ZMYM1: variants seen among roughly 807,000 people sequenced by gnomAD.
ZMYM1 encodes zinc finger MYM-type containing 1.
Under a neutral mutation model 60.0 loss-of-function variants are expected in ZMYM1, and 39 were observed. That is an observed-to-expected ratio of 0.65 (90% CI 0.50 to 0.85). The LOEUF (loss-of-function observed/expected upper bound fraction) is 0.85. Ranked by LOEUF, ZMYM1 falls within the 40% of genes least tolerant of loss-of-function variation. The pLI is 0.00. For missense variants in ZMYM1, 1,171 were observed against 1,309.5 expected, an observed-to-expected ratio of 0.89 and a Z score of 1.63; for synonymous variants, 413 against 454.0, an observed-to-expected ratio of 0.91 and a Z score of 1.15.
At chr1:35,116,987 G>A (rs1251424699), downstream of ZMYM1, among the ~76,000 whole-genome samples, 1 of 150,312 alleles carries the variant, frequency 6.7e-6, no homozygotes, top group African/African-American at 2.4e-5. Context: ...GGGACTACAG[G>A]CGCCCGCCAC....
At position 35,114,330 on chromosome 1, in the gene ZMYM1, G is replaced by A; in HGVS notation, c.2500G>A (p.Ala834Thr). ...GATTATTGAAACATTGGAAGTTATAGCAAGCCATTCTTCAAATACAAGTTT... is the reference window on the plus strand; with the variant it reads ...GATTATTGAAACATTGGAAGTTATAACAAGCCATTCTTCAAATACAAGTTT... ...PEIIETLEVIASHSSNTSFAD... is the reference protein window; with the variant it reads ...PEIIETLEVITSHSSNTSFAD... The change falls in exon 10 of 10, where the codon GCA (alanine) becomes ACA (threonine). Residue 834 changes from alanine (A) to threonine (T), a missense_variant. Physicochemically the swap from Ala to Thr is moderately conservative, Grantham distance 58 (BLOSUM62 0). Transcript: ENST00000359858. 1.9e-6 allele frequency: 3 copies of A among 1,612,892 alleles called. No homozygotes were observed. Among genetic ancestry groups the A allele is most frequent in the Non-Finnish European group, 2.5e-6 (3 of 1,179,644 alleles).
chr1:35,096,050 C>A (rs1289313996), intron 3 of ZMYM1, among the ~76,000 whole-genome samples, 159 bp downstream of exon 3: 1 of 152,108 alleles, frequency 6.6e-6, no homozygotes, highest in Non-Finnish European at 1.5e-5. Flanking sequence ...CACAGTGGCT[C>A]ACACCTGTAA....
chr1:35,080,813 G>A (rs185924322), intron 1 of ZMYM1, among the ~76,000 whole-genome samples: 1 of 152,166 alleles, frequency 6.6e-6, no homozygotes, highest in East Asian at 1.9e-4. Context: ...AAGGCACTTC[G>A]GAAATGATGG....
At chr1:35,101,022 T>C (rs1340595193) in intron 4 of ZMYM1, among the ~76,000 whole-genome samples, 1 of 152,154 alleles carries the variant, frequency 6.6e-6, no homozygotes, top group East Asian at 1.9e-4. Flanking sequence ...AGACTGGTCT[T>C]GAACTCCTGG....
chr1:35,102,820 C>T (rs905738861), intron 4 of ZMYM1, among the ~76,000 whole-genome samples: 4 of 152,164 alleles, frequency 2.6e-5, no homozygotes, highest in Non-Finnish European at 4.4e-5. Context: ...GTACTTTATG[C>T]TTATGTCCTG....
At chr1:35,096,446 C>G (rs536423170) in intron 3 of ZMYM1, among the ~76,000 whole-genome samples, 1 of 151,696 alleles carries the variant, frequency 6.6e-6, no homozygotes, top group East Asian at 1.9e-4. Context: ...GGCAACATAG[C>G]GAGATCCTGT....
Position 35,113,236 on chromosome 1 carries a change from A to G in ZMYM1, c.1406A>G (p.Asn469Ser). 3 of 1,613,326 alleles carry G rather than the reference A, an allele frequency of 1.9e-6. No individual in the cohort carries two copies. Among genetic ancestry groups the G allele is most frequent in the Non-Finnish European group, 2.5e-6 (3 of 1,179,310 alleles). Residue 469 changes from asparagine to serine, a missense_variant, in exon 10 of 10, where the codon AAC (asparagine) becomes AGC (serine). Physicochemically the swap from Asn to Ser is conservative, Grantham distance 46. Transcript: ENST00000359858. ...TGTGCAGATTTTGAGTGTTTGGAAA[A>G]CAGTAAAAAAGATGTGGCATTCTGT... ...SCCADFECLE[N>S]SKKDVAFCYS... is the part of the protein sequence containing the mutation.
At chr1:35,097,714 G>A (rs776794165) in intron 4 of ZMYM1, 148 bp downstream of exon 4, 18 of 901,186 alleles carry the variant, frequency 2.0e-5, no homozygotes, top group African/African-American at 3.3e-5. Context: ...GCACGATCTC[G>A]GCTCACTGCA....
At position 35,105,233 on chromosome 1, in the gene ZMYM1, C is replaced by G. The variant is rs1338708523; in HGVS notation, c.807+464C>G. On this transcript the variant is annotated intron_variant, in intron 6 of 9. Transcript: ENST00000359858. ...CACTGCAAGTTCTGCCTCGCGGGTT[C>G]ATGCCATTCTCCTGCCTCGGCCTCC... Among the ~76,000 whole-genome samples, 3 of 142,582 alleles carry G rather than the reference C, an allele frequency of 2.1e-5. No homozygotes were observed. The East Asian group carries it at 6.4e-4, about 30-fold the overall frequency. The allele number at this position is 142,582 out of a possible 152,430, so 93.5% of individuals were successfully genotyped here.
At chr1:35,110,572 C>A in intron 7 of ZMYM1, 125 bp downstream of exon 7, 2 of 836,688 alleles carry the variant, frequency 2.4e-6, no homozygotes, top group Non-Finnish European at 3.2e-6. Flanking sequence ...ACAATCTAAA[C>A]TTGTTGCAAA....
upstream of ZMYM1, chr1:35,079,311 G>C (rs1279763529): frequency 6.6e-6 from 1 of 152,282 alleles, no homozygotes; most frequent in Non-Finnish European, 1.5e-5. Flanking sequence ...AGGGAGCTGG[G>C]ACCACCCTGA....
At chr1:35,061,944 C>A (rs1641885407) in intron 1 of ZMYM1, among the ~76,000 whole-genome samples, 1 of 151,482 alleles carries the variant, frequency 6.6e-6, no homozygotes, top group Admixed American at 6.6e-5. Context: ...ATCCTCCTGC[C>A]TTAGCCTCCC....
chr1:35,094,569 A>G (rs1032388352), intron 2 of ZMYM1, among the ~76,000 whole-genome samples: 2 of 152,218 alleles, frequency 1.3e-5, no homozygotes, highest in Non-Finnish European at 2.9e-5. Flanking sequence ...ATGTTTGTAT[A>G]TATGGCCAGG....
In ZMYM1 at chr1:35,114,357, G is replaced by T. The variant is rs766598129; in HGVS notation, c.2527G>T (p.Ala843Ser). Residue 843 changes from alanine (A) to serine (S), a missense_variant, in exon 10 of 10, where the codon GCC becomes TCC. Physicochemically the swap from Ala to Ser is moderately conservative, Grantham distance 99. Coordinates refer to ENST00000359858, the MANE Select transcript of ZMYM1 (RefSeq NM_024772.5). ...AAGCCATTCTTCAAATACAAGTTTC[G>T]CCGATGAATTGAGTCATTTGCTGAC... Reference protein sequence around the residue: ...IASHSSNTSFADELSHLLTLV... With the variant: ...IASHSSNTSFSDELSHLLTLV... 6.2e-7 allele frequency: 1 copy of T among 1,611,964 alleles called. No individual in the cohort carries two copies. The highest frequency in any genetic ancestry group is 8.5e-7 in the Non-Finnish European group (1 of 1,179,276).
At position 35,079,429 on chromosome 1, in the gene ZMYM1, C is replaced by A. The variant is rs1209855038; in HGVS notation, c.-88C>A. The A allele has an allele frequency of 6.6e-5, 10 of 151,884 alleles. No homozygotes were observed. Among genetic ancestry groups the A allele is most frequent in the Admixed American group, 5.9e-4 (9 of 15,254 alleles). 9.4% of individuals were successfully genotyped at this position (151,884 alleles called of 1,614,324 possible). On this transcript the variant is annotated 5_prime_UTR_variant, in exon 1 of 10. Coordinates refer to ENST00000359858, the MANE Select transcript of ZMYM1 (RefSeq NM_024772.5). ...TTTCAGAAGCGTTGGGCGGGGCGTC[C>A]CTGAGAGAAATTAGTAAGCCTCCTC...
At chr1:35,088,803 T>TC (rs1378058234) in intron 1 of ZMYM1, among the ~76,000 whole-genome samples, 3 of 89,110 alleles carry the variant, frequency 3.4e-5, no homozygotes, top group African/African-American at 9.6e-5. Context: ...CAGGATGCTT[T>TC]CCTTTTTTTT....
intron 1 of ZMYM1, among the ~76,000 whole-genome samples, chr1:35,063,253 AGTAG>A (rs1641907634): frequency 6.6e-6 from 1 of 151,726 alleles, no homozygotes; most frequent in South Asian, 2.1e-4. Flanking sequence ...CAGTCTCTAG[AGTAG>A]CTGGGACTAC....
chr1:35,112,214 GCCAC>G, intron 9 of ZMYM1, 84 bp downstream of exon 9: 1 of 1,411,586 alleles, frequency 7.1e-7, no homozygotes, highest in East Asian at 2.3e-5. Context: ...GTCTCGCTCT[GCCAC>G]CCAAGCTGGA....
At chr1:35,084,425 A>G (rs996762620) in intron 1 of ZMYM1, among the ~76,000 whole-genome samples, 6 of 152,206 alleles carry the variant, frequency 3.9e-5, no homozygotes, top group African/African-American at 1.4e-4. Context: ...TACTTCCTTC[A>G]AAGCAGACTA....
Sources: gnomAD v4.1 joint callset for allele counts (sites outside exome capture counted in the v4.1 genomes callset) on GRCh38, gnomAD v4.1.1 for gene constraint, MANE v1.5 for transcripts, NCBI Gene and HGNC (gene_info 2026-07-23, HGNC 2026-07-21) for gene names.